The following GTF2I variants were observed in gnomAD, a reference collection of about 807,000 sequenced individuals.
GTF2I encodes general transcription factor IIi.
A neutral mutation model predicts 67.6 loss-of-function variants in GTF2I; 12 were observed. That is an observed-to-expected ratio of 0.18 (90% CI 0.11 to 0.29). GTF2I has a LOEUF of 0.29. Ranked by LOEUF, GTF2I falls within the 10% of genes least tolerant of loss-of-function variation. GTF2I has a pLI of 1.00. For missense variants in GTF2I, 271 were observed against 580.1 expected, an observed-to-expected ratio of 0.47 and a Z score of 5.47; for synonymous variants, 149 against 197.0, an observed-to-expected ratio of 0.76 and a Z score of 2.04.
At chr7:74,699,244 A>G (rs587770497) in intron 4 of GTF2I, 149 bp downstream of exon 4, 26 of 418,642 alleles carry the variant, frequency 6.2e-5, no homozygotes, top group African/African-American at 5.4e-4. Context: ...TTCCACTTCC[A>G]TTTTGAAGGA....
At chr7:74,681,906 G>T (rs971170229) in intron 1 of GTF2I, among the ~76,000 whole-genome samples, 1 of 150,088 alleles carries the variant, frequency 6.7e-6, no homozygotes, top group Non-Finnish European at 1.5e-5. Context: ...GTGAGACTCC[G>T]TCTCAAAAAA....
In GTF2I at chr7:74,718,933, C is replaced by A; in HGVS notation, c.935C>A (p.Thr312Asn). Residue 312 changes from threonine to asparagine, a missense_variant, in exon 12 of 35, where the codon ACT becomes AAT. Around this residue, in one of 9 missense-constraint regions of GTF2I, gnomAD observed 124 missense variants for 147.0 expected, o/e 0.84. Transcript: ENST00000573035. ...ETSEDPEVEV[T>N]IEDDDYSPPS... The stretch of plus-strand genomic sequence containing the variant: ...AGTGAGGACCCTGAAGTTGAGGTGA[C>A]TATTGAAGGTTAGTTATCTAAAAGC... 1 of 1,543,544 alleles carries A rather than the reference C, an allele frequency of 6.5e-7. No homozygotes were observed. Among genetic ancestry groups the A allele is most frequent in the Non-Finnish European group, 8.9e-7 (1 of 1,129,536 alleles).
chr7:74,659,493 C>A (rs182142417), intron 1 of GTF2I, among the ~76,000 whole-genome samples: 58 of 151,826 alleles, frequency 3.8e-4, no homozygotes, highest in Non-Finnish European at 1.5e-5. Context: ...GGGTTCAAGC[C>A]GTTCTCCTGC....
At chr7:74,689,772 A>G (rs112982285) in intron 2 of GTF2I, among the ~76,000 whole-genome samples, 2,039 of 150,908 alleles carry the variant, frequency 0.014, 18 homozygotes, top group Middle Eastern at 0.024. Context: ...CTGGGGTGCA[A>G]TGGCATGATA....
Position 74,691,096 on chromosome 7 carries a change from G to T in GTF2I, c.223G>T (p.Asp75Tyr). The change falls in exon 3 of 35, where the codon GAT (aspartate) becomes TAT (tyrosine). Residue 75 changes from aspartate to tyrosine, a missense_variant. Transcript: ENST00000573035. ...FVNTRKDFQK[D>Y]FVKYCVEEEE... ...CAATACCAGAAAGGATTTTCAAAAA[G>T]ATTTTGTAAAATATTGTAAGCATTG... is the stretch of plus-strand genomic sequence containing the variant. The T allele has an allele frequency of 6.2e-7, 1 of 1,604,510 alleles. No homozygotes were observed. Among genetic ancestry groups the T allele is most frequent in the Non-Finnish European group, 8.5e-7 (1 of 1,173,790 alleles).
intron 9 of GTF2I, among the ~76,000 whole-genome samples, chr7:74,713,556 C>T (rs937493694): frequency 3.3e-5 from 5 of 152,116 alleles, no homozygotes; most frequent in Non-Finnish European, 7.4e-5. Context: ...TACTTGTTCA[C>T]AGTCTTAATA....
In GTF2I at chr7:74,696,201, C is replaced by T. The variant is rs1256635573; in HGVS notation, c.239-2760C>T. On this transcript the variant is annotated intron_variant, in intron 3 of 34. Transcript: ENST00000573035. ...TTTGCCCTGTTGGCCTGGCTGGTCT[C>T]GAACTCCTTACCTCAAGTGATCCAC... is the stretch of plus-strand genomic sequence containing the variant. Among the ~76,000 whole-genome samples, 5 of 151,836 alleles carry T rather than the reference C, an allele frequency of 3.3e-5. No individual in the cohort carries two copies. The South Asian group carries it at 6.2e-4, about 19-fold the overall frequency.
chr7:74,692,557 G>C (rs751375990), intron 3 of GTF2I, among the ~76,000 whole-genome samples: 3 of 152,130 alleles, frequency 2.0e-5, no homozygotes, highest in Admixed American at 2.0e-4. Context: ...TTTGACATTG[G>C]AACAGTGTTG....
chr7:74,668,173 C>CTTTTTTT (rs781864782), intron 1 of GTF2I, among the ~76,000 whole-genome samples: 3 of 92,954 alleles, frequency 3.2e-5, no homozygotes, highest in Non-Finnish European at 4.0e-5. Context: ...TGGTGCAGAA[C>CTTTTTTT]TTTTTTTTTT....
chr7:74,658,889 A>G (rs1554385048), intron 1 of GTF2I, among the ~76,000 whole-genome samples: 3 of 152,000 alleles, frequency 2.0e-5, no homozygotes, highest in Admixed American at 2.0e-4. Flanking sequence ...TGAAATGGAA[A>G]AAGCTGTCTC....
intron 1 of GTF2I, among the ~76,000 whole-genome samples, chr7:74,674,864 A>G: frequency 7.0e-6 from 1 of 143,694 alleles, no homozygotes; most frequent in East Asian, 2.1e-4. Flanking sequence ...ATATATATAT[A>G]TTTTTTTGAG....
chr7:74,663,557 C>CTG (rs782381510), intron 1 of GTF2I, among the ~76,000 whole-genome samples: 1 of 152,152 alleles, frequency 6.6e-6, no homozygotes, highest in Non-Finnish European at 1.5e-5. Context: ...TCCCCAAGTG[C>CTG]TGAGATTACA....
At chr7:74,699,134 A>G in intron 4 of GTF2I, 39 bp downstream of exon 4, 2 of 1,167,096 alleles carry the variant, frequency 1.7e-6, no homozygotes, top group Non-Finnish European at 2.3e-6. Context: ...AAGATACATT[A>G]TATAATTGAA....
chr7:74,672,006 G>C (rs1805502645), intron 1 of GTF2I, among the ~76,000 whole-genome samples: 1 of 151,580 alleles, frequency 6.6e-6, no homozygotes, highest in South Asian at 2.1e-4. Flanking sequence ...TCAAACCCTT[G>C]ATTTAAAAAT....
chr7:74,686,862 T>C (rs1423106158), intron 1 of GTF2I, among the ~76,000 whole-genome samples: 1 of 152,110 alleles, frequency 6.6e-6, no homozygotes, highest in East Asian at 1.9e-4. Context: ...TGTTCAAATA[T>C]ATGGGGATAA....
chr7:74,670,646 C>T (rs373388606), intron 1 of GTF2I, among the ~76,000 whole-genome samples: 15 of 149,802 alleles, frequency 1.0e-4, no homozygotes, highest in African/African-American at 3.2e-4. Flanking sequence ...GCTGAGACTA[C>T]GCCACTGCAT....
chr7:74,659,273 T>G (rs587638754), intron 1 of GTF2I, among the ~76,000 whole-genome samples: 2 of 152,096 alleles, frequency 1.3e-5, no homozygotes, highest in South Asian at 4.1e-4. Context: ...TTGCCCTGGC[T>G]GAAGCGCAGA....
intron 1 of GTF2I, chr7:74,687,645 ATAATAGGG>A (rs1562950267): frequency 1.6e-6 from 1 of 631,092 alleles, no homozygotes; most frequent in African/African-American, 2.0e-5. Flanking sequence ...ACAGTCTTTA[ATAATAGGG>A]AAATAGAGCA....
At chr7:74,710,574 C>T (rs1312448624) in intron 8 of GTF2I, among the ~76,000 whole-genome samples, 6 of 152,158 alleles carry the variant, frequency 3.9e-5, no homozygotes, top group Non-Finnish European at 5.9e-5. Flanking sequence ...TACCCTTACA[C>T]AAATCCCTGT....
Sources: allele counts gnomAD v4.1 joint callset (sites outside exome capture counted in the v4.1 genomes callset), GRCh38; gene constraint gnomAD v4.1.1; regional missense constraint gnomAD v4.1.1; transcripts MANE v1.5; gene names NCBI Gene and HGNC (gene_info 2026-07-23, HGNC 2026-07-21).